The following ANO3 variants were observed in gnomAD, a reference collection of about 807,000 sequenced individuals.
ANO3 encodes the protein anoctamin 3, also known as anoctamin-3.
In ANO3, 99 loss-of-function variants were observed where a neutral mutation model predicts 144.8. The observed-to-expected ratio is 0.68, with a 90% CI of 0.58 to 0.81. ANO3 has a LOEUF of 0.81. ANO3 is among the 30% of genes least tolerant of loss of function. The pLI, the probability that ANO3 is intolerant of heterozygous loss-of-function variation, is 0.00. For missense variants in ANO3, 905 were observed against 1,202.2 expected (o/e 0.75, Z 3.66); for synonymous variants, 414 against 392.6 (o/e 1.05, Z -0.64).
At chr11:26,314,329 C>A (rs1296911830) in intron 1 of ANO3, among the ~76,000 whole-genome samples, 3 of 152,130 alleles carry the variant, frequency 2.0e-5, no homozygotes, top group South Asian at 4.1e-4. Flanking sequence ...AACTGTTTCC[C>A]AATTTCCTCA....
intron 1 of ANO3, among the ~76,000 whole-genome samples, chr11:26,432,845 G>A (rs986195557): frequency 1.3e-5 from 2 of 152,028 alleles, no homozygotes; most frequent in Admixed American, 6.6e-5. Flanking sequence ...GATGCCTCGA[G>A]GTTTATTCTT....
intron 1 of ANO3, among the ~76,000 whole-genome samples, chr11:26,205,855 C>T (rs889363956): frequency 1.3e-5 from 2 of 152,010 alleles, no homozygotes; most frequent in African/African-American, 2.4e-5. Context: ...CTTTTTATAC[C>T]GGCACATGTT....
chr11:26,497,622 A>G (rs551284356), intron 4 of ANO3, among the ~76,000 whole-genome samples: 34 of 152,214 alleles, frequency 2.2e-4, no homozygotes, highest in African/African-American at 8.2e-4. Flanking sequence ...GAGGTTACTC[A>G]TATTTTACAG....
intron 3 of ANO3, among the ~76,000 whole-genome samples, chr11:26,456,097 A>C (rs1209688190): frequency 6.6e-6 from 1 of 151,938 alleles, no homozygotes; most frequent in Non-Finnish European, 1.5e-5. Flanking sequence ...AGACCTAAAC[A>C]TTAGACCTAA....
chr11:26,542,727 ATTG>A (rs1849676821), intron 11 of ANO3, among the ~76,000 whole-genome samples: 1 of 152,120 alleles, frequency 6.6e-6, no homozygotes, highest in South Asian at 2.1e-4. Context: ...GTCTTGAAAT[ATTG>A]TTGTATTCAC....
At chr11:26,352,703 C>T (rs1855678959) in intron 1 of ANO3, among the ~76,000 whole-genome samples, 1 of 152,096 alleles carries the variant, frequency 6.6e-6, no homozygotes, top group Non-Finnish European at 1.5e-5. Context: ...ATTCTCTTTG[C>T]TTTCTTTGTT....
chr11:26,471,095 A>G (rs1859765924), intron 4 of ANO3, among the ~76,000 whole-genome samples: 2 of 151,968 alleles, frequency 1.3e-5, no homozygotes, highest in Non-Finnish European at 2.9e-5. Flanking sequence ...ATTCAATGAC[A>G]TTAGGTAGTA....
intron 1 of ANO3, among the ~76,000 whole-genome samples, chr11:26,338,629 T>G (rs982475627): frequency 1.5e-4 from 23 of 152,180 alleles, no homozygotes; most frequent in African/African-American, 5.6e-4. Flanking sequence ...CGCACTACCT[T>G]TATGAACTGT....
chr11:26,296,355 G>A (rs572940913), intron 1 of ANO3, among the ~76,000 whole-genome samples: 1 of 150,964 alleles, frequency 6.6e-6, no homozygotes, highest in South Asian at 2.1e-4. Context: ...GGCTTATCCT[G>A]GCCCCAGATT....
chr11:26,247,299 A>G (rs1424781584), intron 1 of ANO3, among the ~76,000 whole-genome samples: 1 of 152,128 alleles, frequency 6.6e-6, no homozygotes, highest in Non-Finnish European at 1.5e-5. Flanking sequence ...TTTTTTTCCA[A>G]GCGTGACCTA....
chr11:26,547,798 C>CA (rs1420775244), intron 12 of ANO3, among the ~76,000 whole-genome samples: 2 of 151,798 alleles, frequency 1.3e-5, no homozygotes, highest in Non-Finnish European at 2.9e-5. Flanking sequence ...TTCCTCTTTC[C>CA]AGTATATACC....
At chr11:26,389,252 T>G (rs1856814502) in intron 1 of ANO3, among the ~76,000 whole-genome samples, 1 of 152,128 alleles carries the variant, frequency 6.6e-6, no homozygotes, top group African/African-American at 2.4e-5. Context: ...GAACATTTAC[T>G]GAGAGTGTCC....
chr11:26,381,648 T>G (rs10767520), intron 1 of ANO3, among the ~76,000 whole-genome samples: 82,073 of 152,040 alleles, frequency 0.54, 23,238 homozygotes, highest in East Asian at 0.68. Flanking sequence ...ACTGAAAGAA[T>G]GATTTCATTG....
At chr11:26,491,149 C>T (rs1445536449) in intron 4 of ANO3, among the ~76,000 whole-genome samples, 2 of 152,108 alleles carry the variant, frequency 1.3e-5, no homozygotes, top group African/African-American at 2.4e-5. Context: ...CATTTTTCCC[C>T]TTCCTGTGTC....
chr11:26,515,789 A>G lies in ANO3; in HGVS notation c.592-1038A>G, dbSNP rs538721854. On this transcript the variant is annotated intron_variant, in intron 5 of 26. Coordinates refer to ENST00000256737, the MANE Select transcript of ANO3 (RefSeq NM_031418.4). Reference sequence around the variant, plus strand: ...CAGCTGTGTCTAACCTGGTGGGTGCATCTAAAGGGAAGCAAACAACAGTTC... The same window carrying G: ...CAGCTGTGTCTAACCTGGTGGGTGCGTCTAAAGGGAAGCAAACAACAGTTC... Among the ~76,000 whole-genome samples, 8 of 152,132 alleles carry G rather than the reference A, an allele frequency of 5.3e-5. 1 individual carries two copies. The South Asian group carries it at 1.7e-3, about 31-fold the overall frequency.
chr11:26,559,022 C>T (rs1001067488), intron 13 of ANO3: 1 of 152,078 alleles, frequency 6.6e-6, no homozygotes, highest in Non-Finnish European at 1.5e-5. Flanking sequence ...CAAATGCAAA[C>T]AAGCAAAGGT....
chr11:26,516,955 C>T (rs1401404106), intron 6 of ANO3, 28 bp downstream of exon 6: 4 of 1,355,810 alleles, frequency 3.0e-6, no homozygotes, highest in Non-Finnish European at 4.2e-6. Context: ...TTTATTTTAT[C>T]TCAATATATA....
chr11:26,465,889 G>A (rs1229528801), intron 4 of ANO3, among the ~76,000 whole-genome samples: 1 of 151,896 alleles, frequency 6.6e-6, no homozygotes, highest in Non-Finnish European at 1.5e-5. Flanking sequence ...GTAAGCTAAT[G>A]TATTTATGAG....
chr11:26,231,742 T>C (rs576229588), intron 1 of ANO3, among the ~76,000 whole-genome samples: 28 of 152,350 alleles, frequency 1.8e-4, no homozygotes, highest in African/African-American at 6.7e-4. Context: ...CATAGACTTA[T>C]ATTGAGCAAG....
Sources: gnomAD v4.1 joint callset for allele counts (sites outside exome capture counted in the v4.1 genomes callset) on GRCh38, gnomAD v4.1.1 for gene constraint, MANE v1.5 for transcripts, NCBI Gene and HGNC (gene_info 2026-07-23, HGNC 2026-07-21) for gene names.